Variants in PUM1 observed in about 807,000 individuals in gnomAD.
PUM1 encodes the protein pumilio RNA binding family member 1.
In PUM1, 13 loss-of-function variants were observed where a neutral mutation model predicts 131.8. The ratio of observed to expected loss-of-function variants is 0.10; its 90% CI spans 0.06 to 0.16. The LOEUF (loss-of-function observed/expected upper bound fraction) is 0.16, where lower values mean the gene tolerates loss of function less well. Ranked by LOEUF, PUM1 falls within the 10% of genes least tolerant of loss-of-function variation. The pLI is 1.00. For missense variants in PUM1, 961 were observed against 1,512.4 expected (o/e 0.64, Z 6.05); for synonymous variants, 509 against 556.5 (o/e 0.91, Z 1.20).
chr1:30,938,871 A>T (rs934284293), intron 20 of PUM1, among the ~76,000 whole-genome samples: 9 of 145,582 alleles, frequency 6.2e-5, no homozygotes, highest in African/African-American at 2.3e-4. Flanking sequence ...TCTCATTCAT[A>T]GATAGAGATA....
chr1:31,065,240 C>G (rs1644457855), intron 1 of PUM1, among the ~76,000 whole-genome samples: 1 of 152,122 alleles, frequency 6.6e-6, no homozygotes, highest in African/African-American at 2.4e-5. Context: ...CATGGCCACA[C>G]AGAAGACTCG....
At chr1:30,998,980 C>T (rs544720629) in intron 5 of PUM1, among the ~76,000 whole-genome samples, 2 of 151,274 alleles carry the variant, frequency 1.3e-5, no homozygotes, top group East Asian at 3.9e-4. Flanking sequence ...CTATTCATAG[C>T]TGTGTGGTGT....
At chr1:30,961,122 G>A (rs1051402658) in intron 14 of PUM1, among the ~76,000 whole-genome samples, 1 of 151,864 alleles carries the variant, frequency 6.6e-6, no homozygotes, top group Non-Finnish European at 1.5e-5. Context: ...TGAACCGGGA[G>A]GCAGAAGTTG....
At chr1:30,991,079 AAG>A (rs1557573688) in intron 7 of PUM1, among the ~76,000 whole-genome samples, 2 of 152,002 alleles carry the variant, frequency 1.3e-5, no homozygotes, top group Non-Finnish European at 2.9e-5. Flanking sequence ...TTAAAAAAAA[AAG>A]AGAGAACCAT....
chr1:30,961,874 C>T (rs773354074), intron 14 of PUM1, among the ~76,000 whole-genome samples: 2 of 152,118 alleles, frequency 1.3e-5, no homozygotes, highest in African/African-American at 2.4e-5. Context: ...ATATAAAATG[C>T]TTAGTATGGC....
intron 8 of PUM1, among the ~76,000 whole-genome samples, chr1:30,980,699 A>G (rs1252766985): frequency 6.6e-6 from 1 of 152,058 alleles, no homozygotes; most frequent in Non-Finnish European, 1.5e-5. Context: ...TTTCTACTCA[A>G]TCATGCCATT....
chr1:30,951,600 A>G (rs1392083222), intron 16 of PUM1, among the ~76,000 whole-genome samples: 2 of 152,212 alleles, frequency 1.3e-5, no homozygotes, highest in Non-Finnish European at 1.5e-5. Flanking sequence ...CCAGATAATA[A>G]GGGCTACAAT....
chr1:30,986,224 G>C (rs1217834778), intron 7 of PUM1, among the ~76,000 whole-genome samples: 8 of 152,096 alleles, frequency 5.3e-5, no homozygotes, highest in African/African-American at 1.4e-4. Flanking sequence ...CAAAGCGCTG[G>C]GATTACAGGC....
intron 17 of PUM1, among the ~76,000 whole-genome samples, chr1:30,947,656 T>C (rs755432202): frequency 6.6e-6 from 1 of 152,184 alleles, no homozygotes; most frequent in East Asian, 1.9e-4. Context: ...TCTCTGTACA[T>C]TGGCTAAACT....
chr1:30,935,631 A>C, intron 21 of PUM1: 1 of 451,384 alleles, frequency 2.2e-6, no homozygotes, highest in South Asian at 1.6e-5. Flanking sequence ...GCCACTGCCA[A>C]CACCAGTGCA....
intron 10 of PUM1, chr1:30,973,063 A>G: frequency 4.7e-6 from 1 of 213,064 alleles, no homozygotes; most frequent in East Asian, 1.7e-4. Context: ...CTGGGCAACA[A>G]AAGCAAAATT....
chr1:31,014,160 G>GT (rs1052250062), intron 3 of PUM1, among the ~76,000 whole-genome samples: 3 of 151,976 alleles, frequency 2.0e-5, no homozygotes, highest in Non-Finnish European at 4.4e-5. Context: ...AGCCAAGTGT[G>GT]GTAGCACATG....
At chr1:31,006,141 G>T in intron 4 of PUM1, 110 bp from the exon 5 acceptor site, 1 of 910,420 alleles carries the variant, frequency 1.1e-6, no homozygotes, top group South Asian at 2.0e-5. Flanking sequence ...ATGGTCAGTT[G>T]AGCCAAAACC....
intron 2 of PUM1, among the ~76,000 whole-genome samples, chr1:31,031,310 A>T (rs558530172): frequency 3.3e-5 from 5 of 152,364 alleles, no homozygotes; most frequent in Non-Finnish European, 5.9e-5. Flanking sequence ...AAACCTACAA[A>T]TACAGTTTCA....
Position 31,065,654 on chromosome 1 carries a change from G to A in PUM1, c.-50C>T, listed in dbSNP as rs1165199591. 3.9e-6 allele frequency: 6 copies of A among 1,549,440 alleles called. No homozygotes were observed. Among genetic ancestry groups the A allele is most frequent in the African/African-American group, 1.4e-5 (1 of 72,950 alleles). On this transcript the variant is annotated 5_prime_UTR_variant, in exon 1 of 22. Transcript: ENST00000426105. ...GGATGAAGATGGATTTCAGCCCCCC[G>A]ATCTTCTCTCTCTGGCGCTCTCGCT...
chr1:31,020,604 G>C (rs954289369), intron 3 of PUM1, among the ~76,000 whole-genome samples: 1 of 152,076 alleles, frequency 6.6e-6, no homozygotes, highest in Admixed American at 6.6e-5. Context: ...GAAGCAAACA[G>C]CCCGACTGAG....
intron 3 of PUM1, among the ~76,000 whole-genome samples, chr1:31,023,037 G>A (rs759395677): frequency 4.0e-4 from 61 of 152,046 alleles, no homozygotes; most frequent in Non-Finnish European, 6.9e-4. Context: ...AGCTGGGAAT[G>A]GTGGCACACA....
intron 9 of PUM1, among the ~76,000 whole-genome samples, chr1:30,977,080 G>A (rs2124462733): frequency 6.6e-6 from 1 of 152,278 alleles, no homozygotes; most frequent in South Asian, 2.1e-4. Flanking sequence ...GTTATCTTGG[G>A]GATGTGACCC....
At chr1:31,013,759 T>C (rs1367523688) in intron 3 of PUM1, among the ~76,000 whole-genome samples, 1 of 152,142 alleles carries the variant, frequency 6.6e-6, no homozygotes, top group Non-Finnish European at 1.5e-5. Flanking sequence ...CAGGTGGTAG[T>C]CTTACTTGTA....
Sources: allele counts gnomAD v4.1 joint callset (sites outside exome capture counted in the v4.1 genomes callset), GRCh38; gene constraint gnomAD v4.1.1; transcripts MANE v1.5; gene names NCBI Gene and HGNC (gene_info 2026-07-23, HGNC 2026-07-21).